TTC21A: variants seen among roughly 807,000 people sequenced by gnomAD.
TTC21A encodes tetratricopeptide repeat domain 21A.
A neutral mutation model predicts 156.4 loss-of-function variants in TTC21A; 128 were observed. The observed-to-expected ratio is 0.82, with a 90% CI of 0.71 to 0.95. The LOEUF (loss-of-function observed/expected upper bound fraction) is 0.95, where lower values mean the gene tolerates loss of function less well. TTC21A is among the 40% of genes least tolerant of loss of function. The probability of loss-of-function intolerance (pLI) is 0.00; values close to 1 mark genes in which losing one functional copy is unlikely to be tolerated. For synonymous variants in TTC21A, 587 were observed against 617.1 expected (o/e 0.95, Z 0.72); for missense variants, 1,435 against 1,602.3 (o/e 0.90, Z 1.78).
At position 39,134,295 on chromosome 3, in the gene TTC21A, G is replaced by A. The variant is rs771699292; in HGVS notation, c.2829G>A (p.Leu943=). 4.3e-6 allele frequency: 7 copies of A among 1,613,856 alleles called. No homozygotes were observed. The highest frequency in any genetic ancestry group is 1.7e-5 in the Admixed American group (1 of 60,004). The change falls in exon 21 of 29, where the codon CTG becomes CTA. Residue 943 remains leucine, a synonymous_variant. Coordinates refer to ENST00000683103, the MANE Select transcript of TTC21A (RefSeq NM_001366900.1). The surrounding 1 kb of genome is among the most constrained non-coding windows in gnomAD (Gnocchi z 4.6). ...GTGAGCAGCACTGTGCCATCCTCCT[G>A]CAGACTGAGCAGAACCATGAGACCG... ...DLCEQHCAIL[L]QTEQNHETAS... is the part of the protein sequence containing the mutation.
In TTC21A at chr3:39,128,879, C is replaced by T. The variant is rs35581078; in HGVS notation, c.1843C>T (p.Arg615Trp). ...FLRPSVQPSQ[R>W]ASILLELVEA... ...CAGGCCCTCTGTGCAGCCTAGCCAG[C>T]GGGCATCCATCTTATTGGAACTGGT... Residue 615 changes from arginine to tryptophan, a missense_variant, in exon 14 of 29, where the codon CGG becomes TGG. Coordinates refer to ENST00000683103, the MANE Select transcript of TTC21A (RefSeq NM_001366900.1). The T allele has an allele frequency of 0.043, 69,672 of 1,614,148 alleles. 1,834 individuals are homozygous for T. The highest frequency in any genetic ancestry group is 0.05 in the Non-Finnish European group (58,711 of 1,180,016).
chr3:39,110,759 G>A lies in TTC21A; in HGVS notation c.269-92G>A, dbSNP rs182636953. 8 of 1,416,872 alleles carry A rather than the reference G, an allele frequency of 5.6e-6. No homozygotes were observed. The South Asian group carries it at 5.9e-5, about 10-fold the overall frequency. 87.8% of individuals were successfully genotyped at this position (1,416,872 alleles called of 1,614,324 possible). A position where few individuals can be genotyped will look rare whatever the true frequency, so the allele number is the denominator to read the frequency against. ...ATCCACAGTGTCTGGGGGAGACCCC[G>A]AGGTAGTTCCCTGGGCCCTCGGTGG... On this transcript the variant is annotated intron_variant, in intron 3 of 28. Transcript: ENST00000683103.
chr3:39,118,415 G>A (rs1009661668), intron 7 of TTC21A: 35 of 544,886 alleles, frequency 6.4e-5, no homozygotes, highest in African/African-American at 5.6e-5. Context: ...GCCTGGGCAG[G>A]TGTCCCCACC....
rs192956219 is a variant in TTC21A, at chr3:39,112,764, T to C, written c.558+184T>C. The C allele has an allele frequency of 1.0e-5, 4 of 387,732 alleles. No individual in the cohort carries two copies. The Admixed American group carries it at 2.6e-4, about 25-fold the overall frequency. The allele number at this position is 387,732 out of a possible 1,614,324, so 24.0% of individuals were successfully genotyped here. A position where few individuals can be genotyped will look rare whatever the true frequency, so the allele number is the denominator to read the frequency against. On this transcript the variant is annotated intron_variant, in intron 5 of 28. Transcript: ENST00000683103. ...TTACACAGCAGTCCAAGGTCCACTCTACTTCTCAGATTTCTTCCTGCTTGA... is the reference window on the plus strand; with the variant it reads ...TTACACAGCAGTCCAAGGTCCACTCCACTTCTCAGATTTCTTCCTGCTTGA...
chr3:39,135,232 C>T (rs984955098), intron 22 of TTC21A, 58 bp downstream of exon 22: 2 of 1,463,038 alleles, frequency 1.4e-6, no homozygotes, highest in Admixed American at 1.7e-5. Flanking sequence ...GGCCGCTCTC[C>T]CAGAGAAGGG....
intron 15 of TTC21A, 41 bp downstream of exon 15, chr3:39,129,351 T>C (rs374422193): frequency 2.1e-6 from 3 of 1,458,872 alleles, no homozygotes; most frequent in Non-Finnish European, 2.9e-6. Flanking sequence ...TCTTCTCCAA[T>C]GGTATCTTAG....
Position 39,137,178 on chromosome 3 carries a change from A to G in TTC21A, c.3258-17A>G. The G allele has an allele frequency of 6.2e-7, 1 of 1,607,014 alleles. No homozygotes were observed. The highest frequency in any genetic ancestry group is 8.5e-7 in the Non-Finnish European group (1 of 1,175,134). On this transcript the variant is annotated splice_polypyrimidine_tract_variant and intron_variant, in intron 24 of 28. Transcript: ENST00000683103. ...GGCCACCGGCCTGTGTCTGATACCC[A>G]GGTCTAACACCTGCAGCTACATGGA... is the stretch of plus-strand genomic sequence containing the variant.
chr3:39,109,404 A>G (rs1179913046), intron 2 of TTC21A, among the ~76,000 whole-genome samples, 190 bp downstream of exon 2: 1 of 152,210 alleles, frequency 6.6e-6, no homozygotes, highest in African/African-American at 2.4e-5. Flanking sequence ...TTGAGACCTC[A>G]GAGCGCTGAC....
At chr3:39,120,309 G>C (rs1234466547) in intron 8 of TTC21A, among the ~76,000 whole-genome samples, 1 of 152,210 alleles carries the variant, frequency 6.6e-6, no homozygotes, top group Non-Finnish European at 1.5e-5. Flanking sequence ...TTTGGGGAAA[G>C]CGGGTGGTAT....
At chr3:39,112,387 G>A in intron 4 of TTC21A, 71 bp from the exon 5 acceptor site, 1 of 1,554,030 alleles carries the variant, frequency 6.4e-7, no homozygotes, top group South Asian at 1.1e-5. Flanking sequence ...GGCAAAGTGT[G>A]GATCATGTGC....
chr3:39,126,520 A>ACACACACT lies in TTC21A; in HGVS notation c.1522+131_1522+132insACACACTC, dbSNP rs1491529137. On this transcript the variant is annotated intron_variant, in intron 12 of 28. Transcript: ENST00000683103. Reference sequence around the variant, plus strand: ...CACACACACACACACACACACACACACTCTCCTTGCCTGGGGTACTACGCA... The same window carrying ACACACACT: ...CACACACACACACACACACACACACACACACACTCTCTCCTTGCCTGGGGTACTACGCA... 6.9e-5 allele frequency: 57 copies of ACACACACT among 821,788 alleles called. No individual in the cohort carries two copies. In the African/African-American group the frequency reaches 1.2e-3, roughly 18 times the overall value. The allele number at this position is 821,788 out of a possible 1,614,324, so 50.9% of individuals were successfully genotyped here.
rs1392828680 is a variant in TTC21A, at chr3:39,111,031, C to G, written c.435+14C>G. 7 of 1,586,156 alleles carry G rather than the reference C, an allele frequency of 4.4e-6. No individual in the cohort carries two copies. The highest frequency in any genetic ancestry group is 6.0e-6 in the Non-Finnish European group (7 of 1,162,580). On this transcript the variant is annotated intron_variant, in intron 4 of 28. Transcript: ENST00000683103. Reference sequence around the variant, plus strand: ...GGCTTCAGAGAGGTACTTACCACACCATGGGGACAACAGGCGAAGAAAGCA... The same window carrying G: ...GGCTTCAGAGAGGTACTTACCACACGATGGGGACAACAGGCGAAGAAAGCA...
chr3:39,111,716 G>A (rs769108156), intron 4 of TTC21A, among the ~76,000 whole-genome samples: 3 of 152,078 alleles, frequency 2.0e-5, no homozygotes, highest in Admixed American at 1.3e-4. Context: ...ACACAGATAC[G>A]GTATATCTGA....
chr3:39,112,199 G>T (rs970849897), intron 4 of TTC21A, among the ~76,000 whole-genome samples: 2 of 152,226 alleles, frequency 1.3e-5, no homozygotes, highest in African/African-American at 4.8e-5. Flanking sequence ...GGGCCTCTGA[G>T]GCTGAGTTGT....
intron 1 of TTC21A, chr3:39,108,259 A>C (rs2036419320): frequency 7.0e-6 from 2 of 284,810 alleles, no homozygotes; most frequent in Non-Finnish European, 1.3e-5. Context: ...AAGAAATGCC[A>C]GCTCCTTGAT....
At chr3:39,110,741 G>A (rs2036746495) in intron 3 of TTC21A, 110 bp from the exon 4 acceptor site, 2 of 1,141,992 alleles carry the variant, frequency 1.8e-6, no homozygotes, top group African/African-American at 3.2e-5. Flanking sequence ...GAGATCCACA[G>A]TGTCTGGGGG....
chr3:39,108,007 CT>C (rs967548567), intron 1 of TTC21A, 143 bp downstream of exon 1: 1 of 993,132 alleles, frequency 1.0e-6, no homozygotes, highest in African/African-American at 1.6e-5. Flanking sequence ...CCCACTCCCC[CT>C]GGCAAGGGCG....
chr3:39,130,009 A>G lies in TTC21A; in HGVS notation c.2136-70A>G. On this transcript the variant is annotated intron_variant, in intron 15 of 28. Transcript: ENST00000683103. The surrounding 1 kb of genome is among the most constrained non-coding windows in gnomAD (Gnocchi z 4.5). ...AGCCAGAATCAGTGGGAAGGAAGTG[A>G]AGGAGATGATTTCAGGAACATGAGG... is the stretch of plus-strand genomic sequence containing the variant. The G allele has an allele frequency of 6.9e-7, 1 of 1,441,014 alleles. No individual in the cohort carries two copies. Among genetic ancestry groups the G allele is most frequent in the Non-Finnish European group, 9.7e-7 (1 of 1,031,614 alleles). 89.3% of individuals were successfully genotyped at this position (1,441,014 alleles called of 1,614,324 possible). A position where few individuals can be genotyped will look rare whatever the true frequency, so the allele number is the denominator to read the frequency against.
In TTC21A at chr3:39,120,132, A is replaced by G. The variant is rs1575518192; in HGVS notation, c.900+112A>G. The G allele has an allele frequency of 4.1e-6, 3 of 736,660 alleles. No individual in the cohort carries two copies. In the East Asian group the frequency reaches 8.0e-5, roughly 20 times the overall value. 45.6% of individuals were successfully genotyped at this position (736,660 alleles called of 1,614,324 possible). A position where few individuals can be genotyped will look rare whatever the true frequency, so the allele number is the denominator to read the frequency against. On this transcript the variant is annotated intron_variant, in intron 8 of 28. Coordinates refer to ENST00000683103, the MANE Select transcript of TTC21A (RefSeq NM_001366900.1). ...GTGCCTTACCCCTCCCTTCTGGCTC[A>G]AACTTGTCCTTTAGGGTAGTGGCTC... is the stretch of plus-strand genomic sequence containing the variant.
Sources: gnomAD v4.1 joint callset for allele counts (sites outside exome capture counted in the v4.1 genomes callset) on GRCh38, gnomAD v4.1.1 for gene constraint, Gnocchi (gnomAD v3.1) non-coding constraint, MANE v1.5 for transcripts, NCBI Gene and HGNC (gene_info 2026-07-23, HGNC 2026-07-21) for gene names.